The following ST18 variants were observed in gnomAD, a reference collection of about 807,000 sequenced individuals.
The protein encoded by ST18 is ST18 C2H2C-type zinc finger transcription factor.
A neutral mutation model predicts 110.0 loss-of-function variants in ST18; 50 were observed. That is an observed-to-expected ratio of 0.45 (90% CI 0.36 to 0.58). ST18 has a LOEUF of 0.58. ST18 is among the 20% of genes least tolerant of loss of function. The pLI, the probability that ST18 is intolerant of heterozygous loss-of-function variation, is 0.00. For missense variants in ST18, 1,306 were observed against 1,280.1 expected, an observed-to-expected ratio of 1.02 and a Z score of -0.31; for synonymous variants, 461 against 452.4, an observed-to-expected ratio of 1.02 and a Z score of -0.24.
intron 17 of ST18, among the ~76,000 whole-genome samples, chr8:52,138,093 CAAAA>C (rs35928892): frequency 1.7e-5 from 1 of 59,554 alleles, no homozygotes; most frequent in Admixed American, 1.7e-4. Flanking sequence ...AACTCTGTCT[CAAAA>C]AAAAAAAAAA....
Position 52,373,911 on chromosome 8 carries a change from C to T in ST18, c.-465+35417G>A, listed in dbSNP as rs183567001. Among the ~76,000 whole-genome samples, 81 of 152,242 alleles carry T rather than the reference C, an allele frequency of 5.3e-4. No homozygotes were observed. In the Middle Eastern group the frequency reaches 0.017, roughly 32 times the overall value. ...CAGGAGCACGCATCTCAAGTGGGGC[C>T]TCCAGGTCACAGGCTACAACATCCT... On this transcript the variant is annotated intron_variant, in intron 2 of 25. Transcript: ENST00000689386.
At chr8:52,194,302 A>G (rs181320776) in intron 8 of ST18, 10 of 152,362 alleles carry the variant, frequency 6.6e-5, no homozygotes, top group African/African-American at 2.4e-4. Flanking sequence ...TTTGTGATGT[A>G]ATTCCAGTGA....
intron 3 of ST18, among the ~76,000 whole-genome samples, chr8:52,225,166 T>A (rs755541): frequency 2.0e-5 from 3 of 152,102 alleles, no homozygotes; most frequent in Non-Finnish European, 4.4e-5. Flanking sequence ...CTCCTTAAGC[T>A]CTGAAGCAAT....
chr8:52,292,616 G>A (rs1373335308), intron 2 of ST18, among the ~76,000 whole-genome samples: 1 of 152,154 alleles, frequency 6.6e-6, no homozygotes, highest in East Asian at 1.9e-4. Flanking sequence ...TGTCCTATGG[G>A]GAACAGTCTT....
At chr8:52,359,411 A>T (rs2140424393) in intron 2 of ST18, among the ~76,000 whole-genome samples, 1 of 152,264 alleles carries the variant, frequency 6.6e-6, no homozygotes, top group East Asian at 1.9e-4. Flanking sequence ...TGCCATAACC[A>T]CAATGAACAA....
chr8:52,176,494 T>C (rs1466605325), intron 9 of ST18, among the ~76,000 whole-genome samples: 2 of 152,198 alleles, frequency 1.3e-5, no homozygotes, highest in African/African-American at 4.8e-5. Context: ...ACCAGAGGGT[T>C]ACAGCCAGCC....
chr8:52,341,375 C>G (rs999191238), intron 2 of ST18, among the ~76,000 whole-genome samples: 1 of 152,166 alleles, frequency 6.6e-6, no homozygotes. Context: ...TCTAAAATGT[C>G]TAAAAATTTG....
At chr8:52,214,356 T>C (rs961922437) in intron 6 of ST18, 99 bp from the exon 7 acceptor site, 1 of 1,267,916 alleles carries the variant, frequency 7.9e-7, no homozygotes, top group East Asian at 2.3e-5. Flanking sequence ...TGAAAAACAG[T>C]AGCCTTCCAT....
chr8:52,287,473 A>G (rs1162759235), intron 2 of ST18, among the ~76,000 whole-genome samples: 4 of 152,208 alleles, frequency 2.6e-5, no homozygotes, highest in Non-Finnish European at 5.9e-5. Flanking sequence ...ACAAGCAAAG[A>G]AATATAGAAT....
At chr8:52,209,776 A>ATATATAT (rs1196733238) in intron 8 of ST18, among the ~76,000 whole-genome samples, 13 of 131,098 alleles carry the variant, frequency 9.9e-5, no homozygotes, top group Middle Eastern at 3.8e-3. Context: ...ATCTCAAAAA[A>ATATATAT]AAAAAAAAAA....
At chr8:52,355,829 A>T (rs1037617813) in intron 2 of ST18, among the ~76,000 whole-genome samples, 2 of 152,192 alleles carry the variant, frequency 1.3e-5, no homozygotes, top group African/African-American at 4.8e-5. Context: ...GTCTATTTTG[A>T]TCTGTCGAGT....
intron 23 of ST18, among the ~76,000 whole-genome samples, chr8:52,125,408 C>T (rs1460222783): frequency 6.7e-6 from 1 of 150,154 alleles, no homozygotes; most frequent in Non-Finnish European, 1.5e-5. Context: ...CACACACATA[C>T]ACACACACGA....
At chr8:52,304,074 C>T (rs1356346323) in intron 2 of ST18, among the ~76,000 whole-genome samples, 5 of 152,146 alleles carry the variant, frequency 3.3e-5, no homozygotes, top group Non-Finnish European at 7.3e-5. Context: ...TCATGCATGT[C>T]TTCTGTAAGC....
intron 5 of ST18, among the ~76,000 whole-genome samples, chr8:52,218,483 G>C (rs932410524): frequency 6.6e-6 from 1 of 150,874 alleles, no homozygotes; most frequent in Admixed American, 6.6e-5. Context: ...TGCCTCCCGG[G>C]TTCAAGCGGT....
rs577434943 is a variant in ST18, at chr8:52,174,022, C to T, written c.278-1439G>A. ...ACTGCCAGGATCAAGTAAATATTGC[C>T]ATAGTAACTAAAAGCATTTTTGGAT... is the stretch of plus-strand genomic sequence containing the variant. On this transcript the variant is annotated intron_variant, in intron 9 of 25. Coordinates refer to ENST00000689386, the MANE Select transcript of ST18 (RefSeq NM_001352837.2). 4.6e-5 allele frequency among the ~76,000 whole-genome samples: 7 copies of T among 152,282 alleles called. No individual in the cohort carries two copies. The East Asian group carries it at 1.4e-3, about 29-fold the overall frequency.
intron 2 of ST18, among the ~76,000 whole-genome samples, chr8:52,288,700 TAAAAA>T (rs548531236): frequency 9.3e-6 from 1 of 107,072 alleles, no homozygotes; most frequent in Non-Finnish European, 2.1e-5. Flanking sequence ...TCTCAAAAAA[TAAAAA>T]AAAAAAAATA....
intron 2 of ST18, among the ~76,000 whole-genome samples, chr8:52,314,759 C>A (rs1449928287): frequency 1.3e-5 from 2 of 152,208 alleles, no homozygotes; most frequent in African/African-American, 2.4e-5. Context: ...TGCCCACTGG[C>A]ACCTTCCCTC....
intron 19 of ST18, among the ~76,000 whole-genome samples, 197 bp from the exon 20 acceptor site, chr8:52,133,498 A>C (rs2050626448): frequency 6.6e-6 from 1 of 152,184 alleles, no homozygotes; most frequent in Non-Finnish European, 1.5e-5. Context: ...GTTTTTGCTT[A>C]AATATAATTA....
chr8:52,157,026 C>T (rs949146121), intron 15 of ST18, among the ~76,000 whole-genome samples: 9 of 152,216 alleles, frequency 5.9e-5, no homozygotes, highest in Non-Finnish European at 1.3e-4. Context: ...CTCCTGTCAC[C>T]TGGGCATGCA....
Sources: allele counts gnomAD v4.1 joint callset (sites outside exome capture counted in the v4.1 genomes callset), GRCh38; gene constraint gnomAD v4.1.1; transcripts MANE v1.5; gene names NCBI Gene and HGNC (gene_info 2026-07-23, HGNC 2026-07-21).